The following CHKA variants were observed in gnomAD, a reference collection of about 807,000 sequenced individuals.
CHKA encodes the protein CHETK-alpha.
In CHKA, 34 loss-of-function variants were observed where a neutral mutation model predicts 60.1. The observed-to-expected ratio is 0.57, with a 90% CI of 0.43 to 0.75. The LOEUF is 0.75. Among genes scored for constraint, CHKA ranks in the 30% least tolerant of loss-of-function variants. CHKA has a pLI of 0.00. For missense variants in CHKA, 563 were observed against 561.3 expected (o/e 1.00, Z -0.03); for synonymous variants, 217 against 223.1 (o/e 0.97, Z 0.24).
Position 68,078,937 on chromosome 11 carries a change from A to ATAT in CHKA, c.516+2464_516+2466dup, listed in dbSNP as rs146140079. Among the ~76,000 whole-genome samples, 3 of 151,456 alleles carry ATAT rather than the reference A, an allele frequency of 2.0e-5. No homozygotes were observed. In the South Asian group the frequency reaches 6.3e-4, roughly 32 times the overall value. ...TTCAGTTATTATTTTTTTTTTGGAG[A>ATAT]TATTATTATTATTATTTTTTTTTTG... On this transcript the variant is annotated intron_variant, in intron 3 of 11. Transcript: ENST00000265689.
Position 68,075,425 on chromosome 11 carries a change from G to A in CHKA, c.517-595C>T, listed in dbSNP as rs369606288. On this transcript the variant is annotated intron_variant, in intron 3 of 11. Transcript: ENST00000265689. ...GACCTTTTCCTGTTATTGAATGTTTGTTGTCTTGCTGAAATCTCTATGATG... is the reference window on the plus strand; with the variant it reads ...GACCTTTTCCTGTTATTGAATGTTTATTGTCTTGCTGAAATCTCTATGATG... Among the ~76,000 whole-genome samples, 30 of 151,676 alleles carry A rather than the reference G, an allele frequency of 2.0e-4. No individual in the cohort carries two copies. The East Asian group carries it at 5.0e-3, about 25-fold the overall frequency.
chr11:68,078,368 C>T (rs1856859300), intron 3 of CHKA, among the ~76,000 whole-genome samples: 1 of 152,190 alleles, frequency 6.6e-6, no homozygotes, highest in Non-Finnish European at 1.5e-5. Flanking sequence ...GCAGGCGCCA[C>T]TGCCAGGAAG....
At chr11:68,116,163 G>A (rs1397364262) in intron 1 of CHKA, among the ~76,000 whole-genome samples, 1 of 152,164 alleles carries the variant, frequency 6.6e-6, no homozygotes, top group East Asian at 1.9e-4. Context: ...CAAAAGATGT[G>A]TGTGAAACTT....
intron 2 of CHKA, among the ~76,000 whole-genome samples, chr11:68,084,755 T>A (rs754542369): frequency 6.6e-6 from 1 of 151,966 alleles, no homozygotes; most frequent in Non-Finnish European, 1.5e-5. Context: ...TAATATAACA[T>A]CTGGAATTTG....
intron 4 of CHKA, among the ~76,000 whole-genome samples, chr11:68,072,021 CTTA>C (rs1245699576): frequency 6.6e-6 from 1 of 152,214 alleles, no homozygotes; most frequent in Non-Finnish European, 1.5e-5. Flanking sequence ...ACACACAGGA[CTTA>C]TTAAGGTAGC....
chr11:68,081,362 A>C, intron 3 of CHKA, 42 bp downstream of exon 3: 1 of 1,549,696 alleles, frequency 6.5e-7, no homozygotes, highest in Non-Finnish European at 8.9e-7. Flanking sequence ...GGCTAACACT[A>C]GTTCACATCT....
chr11:68,116,439 C>G (rs1015245208), intron 1 of CHKA, among the ~76,000 whole-genome samples: 1 of 151,896 alleles, frequency 6.6e-6, no homozygotes, highest in African/African-American at 2.4e-5. Context: ...GGTAGCCAGG[C>G]GTGGTGGCTC....
intron 1 of CHKA, among the ~76,000 whole-genome samples, chr11:68,098,076 AGCCTG>A (rs1857572314): frequency 1.3e-5 from 2 of 152,164 alleles, no homozygotes; most frequent in Non-Finnish European, 2.9e-5. Flanking sequence ...GTTTGACACC[AGCCTG>A]GCCAACATGG....
chr11:68,104,476 A>T (rs1349229277), intron 1 of CHKA, among the ~76,000 whole-genome samples: 22 of 152,032 alleles, frequency 1.4e-4, no homozygotes, highest in Admixed American at 1.4e-3. Flanking sequence ...GCTGGAGTGC[A>T]ATGGTGCAAT....
At chr11:68,107,458 G>T (rs1273335820) in intron 1 of CHKA, among the ~76,000 whole-genome samples, 2 of 151,354 alleles carry the variant, frequency 1.3e-5, no homozygotes, top group Non-Finnish European at 1.5e-5. Flanking sequence ...CTCCTGATTT[G>T]CCTATTTCAG....
At chr11:68,061,377 A>AT (rs1856241148) in intron 11 of CHKA, 1 of 186,522 alleles carries the variant, frequency 5.4e-6, no homozygotes, top group Non-Finnish European at 1.2e-5. Flanking sequence ...AAGTGCTGGG[A>AT]TTACAGGCGT....
intron 2 of CHKA, among the ~76,000 whole-genome samples, chr11:68,088,271 C>T (rs368139896): frequency 2.0e-5 from 3 of 152,026 alleles, no homozygotes; most frequent in East Asian, 1.9e-4. Flanking sequence ...CCCAGGTCAT[C>T]GTATTCACCC....
chr11:68,092,131 T>C (rs1857370509), intron 2 of CHKA, among the ~76,000 whole-genome samples: 1 of 152,218 alleles, frequency 6.6e-6, no homozygotes, highest in Non-Finnish European at 1.5e-5. Context: ...ATGTGTATGC[T>C]TTCCCATAAG....
intron 9 of CHKA, 149 bp downstream of exon 9, chr11:68,065,637 G>A (rs2134516935): frequency 1.7e-6 from 1 of 576,840 alleles, no homozygotes. Context: ...GAAGGTCAAG[G>A]GTACAGTGAG....
intron 1 of CHKA, among the ~76,000 whole-genome samples, chr11:68,101,163 T>C (rs757650568): frequency 1.3e-4 from 20 of 151,956 alleles, no homozygotes; most frequent in Non-Finnish European, 2.5e-4. Context: ...TTAGCCAGGA[T>C]GGTCTCGATC....
In CHKA at chr11:68,120,809, C is replaced by T; in HGVS notation, c.350+19G>A. On this transcript the variant is annotated intron_variant, in intron 1 of 11. Transcript: ENST00000265689. ...CGTCACCTGACTGTCCCGCGGCCCC[C>T]AGACCCGGCGCCACCGACCTGATGA... 8.2e-7 allele frequency: 1 copy of T among 1,224,204 alleles called. No individual in the cohort carries two copies. Among genetic ancestry groups the T allele is most frequent in the Middle Eastern group, 2.4e-4 (1 of 4,242 alleles). 75.8% of individuals were successfully genotyped at this position (1,224,204 alleles called of 1,614,324 possible). A position where few individuals can be genotyped will look rare whatever the true frequency, so the allele number is the denominator to read the frequency against.
intron 2 of CHKA, among the ~76,000 whole-genome samples, chr11:68,085,037 T>C (rs1441105253): frequency 6.6e-6 from 1 of 151,960 alleles, no homozygotes; most frequent in Non-Finnish European, 1.5e-5. Context: ...TAATGAAAAA[T>C]ATATTGCCAC....
At chr11:68,066,000 T>C in intron 8 of CHKA, 106 bp from the exon 9 acceptor site, 1 of 720,464 alleles carries the variant, frequency 1.4e-6, no homozygotes, top group Non-Finnish European at 2.3e-6. Flanking sequence ...GCCACTCCTG[T>C]TGCCATCTGG....
intron 2 of CHKA, among the ~76,000 whole-genome samples, chr11:68,085,598 T>A (rs534666263): frequency 6.6e-6 from 1 of 152,150 alleles, no homozygotes; most frequent in Non-Finnish European, 1.5e-5. Context: ...ATATTAGCTA[T>A]GGAGTAAAAT....
Sources: gnomAD v4.1 joint callset for allele counts (sites outside exome capture counted in the v4.1 genomes callset) on GRCh38, gnomAD v4.1.1 for gene constraint, MANE v1.5 for transcripts, NCBI Gene and HGNC (gene_info 2026-07-23, HGNC 2026-07-21) for gene names.